Variants in EPHA3 observed in about 807,000 individuals in gnomAD.
EPHA3 encodes the protein ephrin type-A receptor 3.
EPHA3 carries 42 observed loss-of-function variants against 107.1 expected under a neutral mutation model. The ratio of observed to expected loss-of-function variants is 0.39; its 90% CI spans 0.31 to 0.51. The LOEUF is 0.51. Among genes scored for constraint, EPHA3 ranks in the 20% least tolerant of loss-of-function variants. The pLI is 0.78. For missense variants in EPHA3, 1,183 were observed against 1,211.2 expected (o/e 0.98, Z 0.35); for synonymous variants, 461 against 424.8 (o/e 1.09, Z -1.05).
At chr3:89,245,872 G>A (rs1368360743) in intron 3 of EPHA3, among the ~76,000 whole-genome samples, 1 of 152,184 alleles carries the variant, frequency 6.6e-6, no homozygotes, top group Non-Finnish European at 1.5e-5. Context: ...TTCCTTGCTT[G>A]TGATGTAAAG....
chr3:89,406,291 A>G (rs1348161205), intron 7 of EPHA3, among the ~76,000 whole-genome samples: 1 of 152,122 alleles, frequency 6.6e-6, no homozygotes, highest in Admixed American at 6.6e-5. Flanking sequence ...GAAATATACA[A>G]TCTCATTCCC....
intron 10 of EPHA3, among the ~76,000 whole-genome samples, chr3:89,414,131 C>A (rs1315117810): frequency 6.6e-6 from 1 of 151,550 alleles, no homozygotes; most frequent in Non-Finnish European, 1.5e-5. Context: ...TCTGCAAGTA[C>A]CGTATTTACA....
chr3:89,369,230 G>T (rs150191080), intron 5 of EPHA3, among the ~76,000 whole-genome samples: 2,225 of 150,546 alleles, frequency 0.015, 50 homozygotes, highest in African/African-American at 0.051. Flanking sequence ...GGAGCCATCA[G>T]GCTACCTGAC....
At chr3:89,386,459 C>T (rs1295345671) in intron 5 of EPHA3, among the ~76,000 whole-genome samples, 2 of 152,168 alleles carry the variant, frequency 1.3e-5, no homozygotes. Context: ...GCAGCTTCTT[C>T]CTAGTGTTGA....
intron 3 of EPHA3, among the ~76,000 whole-genome samples, chr3:89,224,068 A>G (rs2107212259): frequency 6.6e-6 from 1 of 152,324 alleles, no homozygotes; most frequent in East Asian, 1.9e-4. Context: ...CTATAACAAT[A>G]TCTAACAAAA....
chr3:89,363,502 C>A (rs1053989117), intron 5 of EPHA3, among the ~76,000 whole-genome samples: 2 of 150,762 alleles, frequency 1.3e-5, no homozygotes, highest in African/African-American at 4.8e-5. Context: ...CTGAATGAGG[C>A]CCACACACAT....
intron 3 of EPHA3, among the ~76,000 whole-genome samples, chr3:89,271,852 C>A (rs1705676411): frequency 6.6e-6 from 1 of 151,902 alleles, no homozygotes; most frequent in Admixed American, 6.6e-5. Context: ...TTCACGGTTT[C>A]ACTTATACAT....
At chr3:89,436,055 C>A (rs1272102946) in intron 13 of EPHA3, among the ~76,000 whole-genome samples, 1 of 151,736 alleles carries the variant, frequency 6.6e-6, no homozygotes, top group Non-Finnish European at 1.5e-5. Flanking sequence ...GTGGAAAGAT[C>A]ACTTGAGTCC....
At chr3:89,108,891 C>T (rs976917786) in intron 1 of EPHA3, among the ~76,000 whole-genome samples, 1 of 152,092 alleles carries the variant, frequency 6.6e-6, no homozygotes, top group Non-Finnish European at 1.5e-5. Context: ...TAACATTTAG[C>T]AATTTATTTT....
chr3:89,420,821 T>C (rs1448044548), intron 11 of EPHA3, among the ~76,000 whole-genome samples: 1 of 151,492 alleles, frequency 6.6e-6, no homozygotes, highest in Non-Finnish European at 1.5e-5. Context: ...TCCCTTGTAC[T>C]TATGAAGCCA....
At chr3:89,353,331 T>G (rs1310675203) in intron 5 of EPHA3, among the ~76,000 whole-genome samples, 1 of 151,436 alleles carries the variant, frequency 6.6e-6, no homozygotes, top group African/African-American at 2.4e-5. Context: ...TCGGAAACTG[T>G]AAACATAATG....
At chr3:89,350,330 T>C (rs1380035125) in intron 5 of EPHA3, among the ~76,000 whole-genome samples, 1 of 151,110 alleles carries the variant, frequency 6.6e-6, no homozygotes, top group Non-Finnish European at 1.5e-5. Context: ...TTATTCTTTT[T>C]TCTCTAAACT....
At chr3:89,278,661 A>T (rs1422474082) in intron 3 of EPHA3, among the ~76,000 whole-genome samples, 3 of 152,132 alleles carry the variant, frequency 2.0e-5, no homozygotes, top group Admixed American at 6.6e-5. Flanking sequence ...ACAAATTAGG[A>T]ATAAAATGAA....
intron 3 of EPHA3, among the ~76,000 whole-genome samples, chr3:89,301,345 A>G (rs1706483555): frequency 6.6e-6 from 1 of 152,070 alleles, no homozygotes; most frequent in Admixed American, 6.6e-5. Context: ...TTTTGAGAGG[A>G]AAAGCTGATA....
chr3:89,288,654 T>G (rs535147336), intron 3 of EPHA3, among the ~76,000 whole-genome samples: 4 of 152,102 alleles, frequency 2.6e-5, no homozygotes, highest in Admixed American at 1.3e-4. Flanking sequence ...AATATTCCCA[T>G]CATTAGTTTC....
intron 3 of EPHA3, among the ~76,000 whole-genome samples, chr3:89,340,397 G>C (rs774264687): frequency 6.6e-6 from 1 of 152,152 alleles, no homozygotes; most frequent in Non-Finnish European, 1.5e-5. Flanking sequence ...AAATATTGTA[G>C]CTCATGAAAA....
intron 1 of EPHA3, among the ~76,000 whole-genome samples, chr3:89,108,318 G>A (rs548152619): frequency 6.6e-6 from 1 of 152,288 alleles, no homozygotes; most frequent in South Asian, 2.1e-4. Flanking sequence ...AGGGAAATCA[G>A]AGTTTGTCGA....
intron 11 of EPHA3, among the ~76,000 whole-genome samples, chr3:89,420,477 C>T (rs1289158872): frequency 6.6e-6 from 1 of 151,448 alleles, no homozygotes; most frequent in East Asian, 1.9e-4. Flanking sequence ...GTTCAACATA[C>T]ATTGTAAGTC....
chr3:89,393,695 A>T (rs1321699597), intron 5 of EPHA3, among the ~76,000 whole-genome samples: 2 of 152,234 alleles, frequency 1.3e-5, no homozygotes, highest in Non-Finnish European at 2.9e-5. Context: ...GCAAAATTTG[A>T]GTCCAAAGAC....
Sources: allele counts gnomAD v4.1 joint callset (sites outside exome capture counted in the v4.1 genomes callset), GRCh38; gene constraint gnomAD v4.1.1; transcripts MANE v1.5; gene names NCBI Gene and HGNC (gene_info 2026-07-23, HGNC 2026-07-21).